The following PAWR variants were observed in gnomAD, a reference collection of about 807,000 sequenced individuals.
The protein encoded by PAWR is pro-apoptotic WT1 regulator.
A neutral mutation model predicts 32.0 loss-of-function variants in PAWR; 23 were observed. That is an observed-to-expected ratio of 0.72 (90% CI 0.52 to 1.02). PAWR has a LOEUF of 1.02. Among genes scored for constraint, PAWR ranks in the 50% least tolerant of loss-of-function variants. PAWR has a pLI of 0.00. For missense variants in PAWR, 457 were observed against 437.7 expected (o/e 1.04, Z -0.39); for synonymous variants, 226 against 187.1 (o/e 1.21, Z -1.70).
At chr12:79,673,950 A>C (rs1758271630) in intron 2 of PAWR, among the ~76,000 whole-genome samples, 1 of 152,202 alleles carries the variant, frequency 6.6e-6, no homozygotes, top group African/African-American at 2.4e-5. Context: ...GATAGGAAGA[A>C]TCAGTATTGT....
chr12:79,632,353 ATATATATATTT>A (rs1566011167), intron 2 of PAWR, among the ~76,000 whole-genome samples: 3 of 19,604 alleles, frequency 1.5e-4, no homozygotes, highest in African/African-American at 3.1e-4. Context: ...ATATATATAT[ATATATATATTT>A]TTTTTTTTTT....
chr12:79,672,899 G>A (rs1344832645), intron 2 of PAWR, among the ~76,000 whole-genome samples: 1 of 151,870 alleles, frequency 6.6e-6, no homozygotes, highest in Non-Finnish European at 1.5e-5. Flanking sequence ...CAAATCCCAG[G>A]CATTTCTTCT....
At chr12:79,599,275 T>C (rs1195653897) in intron 4 of PAWR, among the ~76,000 whole-genome samples, 5 of 152,208 alleles carry the variant, frequency 3.3e-5, no homozygotes, top group Non-Finnish European at 7.3e-5. Flanking sequence ...CAAACTACAG[T>C]ATCTAATTTT....
At chr12:79,655,005 G>A (rs2136808251) in intron 2 of PAWR, among the ~76,000 whole-genome samples, 1 of 152,274 alleles carries the variant, frequency 6.6e-6, no homozygotes, top group South Asian at 2.1e-4. Flanking sequence ...AGGAATTGAA[G>A]GAATTCTTTC....
rs192455228 is a variant in PAWR at position 79,600,551 on chromosome 12, C to A, written c.684-3893G>T. On this transcript the variant is annotated intron_variant, in intron 4 of 6. Transcript: ENST00000328827. ...ACAGAGGTGCCACCATGGCTCACTG[C>A]AGCCTTGAAACCTCAAAACTCCTAG... Among the ~76,000 whole-genome samples, 6 of 151,726 alleles carry A rather than the reference C, an allele frequency of 4.0e-5. No individual in the cohort carries two copies. The East Asian group carries it at 1.2e-3, about 29-fold the overall frequency.
At chr12:79,676,348 GATTTA>G (rs1472734772) in intron 2 of PAWR, among the ~76,000 whole-genome samples, 1 of 152,064 alleles carries the variant, frequency 6.6e-6, no homozygotes, top group Non-Finnish European at 1.5e-5. Context: ...AGCAATTTCT[GATTTA>G]ATCAATCTTT....
In PAWR at chr12:79,690,410, G is replaced by A; in HGVS notation, c.-147-19C>T. On this transcript the variant is annotated intron_variant, in intron 1 of 6. Coordinates refer to ENST00000328827, the MANE Select transcript of PAWR (RefSeq NM_002583.4). ...GGCGGGGCTGAGGTGAAAGACAAAA[G>A]GGGGCGGGTAAGGGAAGCGTAAGAT... 1.5e-6 allele frequency: 2 copies of A among 1,310,156 alleles called. No individual in the cohort carries two copies. The highest frequency in any genetic ancestry group is 1.6e-5 in the African/African-American group (1 of 64,418). The allele number at this position is 1,310,156 out of a possible 1,614,324, so 81.2% of individuals were successfully genotyped here. A position where few individuals can be genotyped will look rare whatever the true frequency, so the allele number is the denominator to read the frequency against.
At chr12:79,595,479 C>T (rs917646247) in intron 5 of PAWR, among the ~76,000 whole-genome samples, 2 of 152,236 alleles carry the variant, frequency 1.3e-5, no homozygotes, top group African/African-American at 4.8e-5. Flanking sequence ...TCTTGTGGAA[C>T]TCACGAAGCC....
chr12:79,623,563 C>A (rs1412235199), intron 2 of PAWR, among the ~76,000 whole-genome samples: 1 of 151,810 alleles, frequency 6.6e-6, no homozygotes, highest in East Asian at 1.9e-4. Flanking sequence ...CATCAATAGC[C>A]AGTTACAAAA....
At chr12:79,600,065 A>C (rs892099594) in intron 4 of PAWR, among the ~76,000 whole-genome samples, 1 of 152,220 alleles carries the variant, frequency 6.6e-6, no homozygotes, top group African/African-American at 2.4e-5. Flanking sequence ...GTATCTCCAA[A>C]CAACCCACTT....
At chr12:79,663,211 T>G (rs1226706954) in intron 2 of PAWR, among the ~76,000 whole-genome samples, 1 of 152,228 alleles carries the variant, frequency 6.6e-6, no homozygotes, top group Non-Finnish European at 1.5e-5. Context: ...CTCTGTATTC[T>G]AAGGTTTTGT....
intron 2 of PAWR, among the ~76,000 whole-genome samples, chr12:79,634,470 C>A (rs546717289): frequency 1.3e-5 from 2 of 152,166 alleles, no homozygotes; most frequent in East Asian, 3.9e-4. Flanking sequence ...AGGAGGTACA[C>A]ACAATGTACA....
chr12:79,621,347 G>T, intron 2 of PAWR, 140 bp from the exon 3 acceptor site: 1 of 640,514 alleles, frequency 1.6e-6, no homozygotes, highest in Non-Finnish European at 2.6e-6. Context: ...TTTTCTTTCA[G>T]CAATATGTAC....
At chr12:79,621,336 T>C in intron 2 of PAWR, 129 bp from the exon 3 acceptor site, 2 of 703,848 alleles carry the variant, frequency 2.8e-6, no homozygotes, top group Non-Finnish European at 4.5e-6. Context: ...AATAAAAGTA[T>C]TTTTCTTTCA....
intron 4 of PAWR, among the ~76,000 whole-genome samples, chr12:79,598,881 C>T (rs1238189162): frequency 4.6e-5 from 7 of 152,112 alleles, no homozygotes; most frequent in African/African-American, 1.4e-4. Flanking sequence ...GGATTACAGG[C>T]GCCTGCCACC....
intron 5 of PAWR, among the ~76,000 whole-genome samples, chr12:79,595,192 G>A (rs1873703904): frequency 1.3e-5 from 2 of 152,174 alleles, no homozygotes; most frequent in South Asian, 4.1e-4. Flanking sequence ...TTTACTTCTG[G>A]CTCTGCCAGT....
chr12:79,635,623 GA>G (rs1328308778), intron 2 of PAWR: 1 of 152,098 alleles, frequency 6.6e-6, no homozygotes, highest in Admixed American at 6.5e-5. Context: ...CGGCTATCCT[GA>G]AAATCCAGGA....
At chr12:79,634,963 GA>G (rs1358865405) in intron 2 of PAWR, among the ~76,000 whole-genome samples, 2 of 152,042 alleles carry the variant, frequency 1.3e-5, no homozygotes, top group Non-Finnish European at 2.9e-5. Context: ...ACTAACAGCA[GA>G]CCCAGCTTCC....
At chr12:79,668,862 T>C (rs777098668) in intron 2 of PAWR, among the ~76,000 whole-genome samples, 10 of 151,998 alleles carry the variant, frequency 6.6e-5, no homozygotes, top group Non-Finnish European at 1.5e-4. Flanking sequence ...AGAATACAAA[T>C]ATAAGGAGAG....
Sources: allele counts gnomAD v4.1 joint callset (sites outside exome capture counted in the v4.1 genomes callset), GRCh38; gene constraint gnomAD v4.1.1; transcripts MANE v1.5; gene names NCBI Gene and HGNC (gene_info 2026-07-23, HGNC 2026-07-21).